Variants in ADAM22 observed in about 807,000 individuals in gnomAD.
The protein encoded by ADAM22 is disintegrin and metalloproteinase domain-containing protein 22.
In ADAM22, 65 loss-of-function variants were observed where a neutral mutation model predicts 144.6. The observed-to-expected ratio is 0.45, with a 90% CI of 0.37 to 0.55. ADAM22 has a LOEUF of 0.55. Among genes scored for constraint, ADAM22 ranks in the 20% least tolerant of loss-of-function variants. ADAM22 has a pLI of 0.00. For missense variants in ADAM22, 974 were observed against 1,184.9 expected, an observed-to-expected ratio of 0.82 and a Z score of 2.61; for synonymous variants, 391 against 412.6, an observed-to-expected ratio of 0.95 and a Z score of 0.63.
chr7:88,114,314 A>G (rs749997947), intron 5 of ADAM22, among the ~76,000 whole-genome samples: 1 of 152,236 alleles, frequency 6.6e-6, no homozygotes, highest in Admixed American at 6.5e-5. Context: ...TTGGAATTCT[A>G]TGTTAGAGGA....
intron 7 of ADAM22, among the ~76,000 whole-genome samples, chr7:88,120,835 G>C (rs1338886633): frequency 6.6e-6 from 1 of 152,074 alleles, no homozygotes; most frequent in African/African-American, 2.4e-5. Context: ...ATTTTTGCTA[G>C]CTCCCAAGTT....
intron 30 of ADAM22, among the ~76,000 whole-genome samples, chr7:88,187,671 C>T (rs913719380): frequency 2.0e-5 from 3 of 152,168 alleles, no homozygotes; most frequent in Non-Finnish European, 4.4e-5. Flanking sequence ...TTACAATAAA[C>T]TTTCATGTTA....
intron 24 of ADAM22, among the ~76,000 whole-genome samples, chr7:88,166,913 A>AG (rs1239732503): frequency 6.6e-6 from 1 of 152,086 alleles, no homozygotes; most frequent in Non-Finnish European, 1.5e-5. Context: ...AAAAAAAGGA[A>AG]GGGGGGGCAG....
chr7:87,998,689 G>A (rs1281566396), intron 3 of ADAM22, among the ~76,000 whole-genome samples: 3 of 152,154 alleles, frequency 2.0e-5, no homozygotes, highest in East Asian at 1.9e-4. Context: ...ACGCCCTGCC[G>A]AGAGTCTCCC....
chr7:88,154,215 C>T (rs1035112216), intron 21 of ADAM22, among the ~76,000 whole-genome samples: 5 of 152,212 alleles, frequency 3.3e-5, no homozygotes, highest in Non-Finnish European at 7.3e-5. Context: ...ACTCTCTCTT[C>T]ACCATTTTGC....
In ADAM22 at chr7:88,179,068, A is replaced by G; in HGVS notation, c.2434A>G (p.Ile812Val). ...GTCTGCTTTTCTGTCGCATTTTCAGATTTCTACCTGTTCCATCACACATTA... is the reference window on the plus strand; with the variant it reads ...GTCTGCTTTTCTGTCGCATTTTCAGGTTTCTACCTGTTCCATCACACATTA... ...KRSAFLSHFQ[I>V]STCSITHYSI... The change falls in exon 27 of 32, where the codon ATT becomes GTT. Residue 812 changes from isoleucine (I) to valine (V), a missense_variant. Transcript: ENST00000413139. 6.4e-7 allele frequency: 1 copy of G among 1,559,580 alleles called. No individual in the cohort carries two copies. The highest frequency in any genetic ancestry group is 8.8e-7 in the Non-Finnish European group (1 of 1,130,646).
At chr7:88,148,892 A>AATTTT (rs1179449696) in intron 17 of ADAM22, 85 bp from the exon 18 acceptor site, 1 of 1,078,258 alleles carries the variant, frequency 9.3e-7, no homozygotes, top group Non-Finnish European at 1.4e-6. Flanking sequence ...CTAGCCAAAC[A>AATTTT]ATTTTCATTT....
intron 29 of ADAM22, chr7:88,184,364 G>T: frequency 2.3e-6 from 1 of 438,960 alleles, no homozygotes; most frequent in Non-Finnish European, 4.6e-6. Flanking sequence ...TAAGCCCAGG[G>T]GGCTCTGACA....
At chr7:88,130,030 T>G (rs1831361749) in intron 9 of ADAM22, among the ~76,000 whole-genome samples, 1 of 152,100 alleles carries the variant, frequency 6.6e-6, no homozygotes, top group African/African-American at 2.4e-5. Flanking sequence ...TACCCCTACT[T>G]AGATTTGTAT....
At chr7:88,184,999 T>C (rs1413696657) in intron 29 of ADAM22, among the ~76,000 whole-genome samples, 1 of 152,238 alleles carries the variant, frequency 6.6e-6, no homozygotes, top group Non-Finnish European at 1.5e-5. Context: ...GCTGTGTGGC[T>C]ATGTTTCACC....
chr7:88,164,911 T>A (rs1271338065), intron 23 of ADAM22, among the ~76,000 whole-genome samples: 1 of 152,074 alleles, frequency 6.6e-6, no homozygotes, highest in Non-Finnish European at 1.5e-5. Context: ...AGTGATATGG[T>A]GAATCAAATC....
In ADAM22 at chr7:88,125,660, G is replaced by T; in HGVS notation, c.678+1G>T. 2 of 1,589,812 alleles carry T rather than the reference G, an allele frequency of 1.3e-6. No homozygotes were observed. The highest frequency in any genetic ancestry group is 1.7e-6 in the Non-Finnish European group (2 of 1,169,636). ...AAGACCAAAAAGGAGTAAACGGCAG[G>T]TATGTATTCACAGTGGTGTGTCGTG... On this transcript the variant is annotated splice_donor_variant, in intron 8 of 31. Transcript: ENST00000413139. LOFTEE classifies it high-confidence loss of function.
intron 4 of ADAM22, among the ~76,000 whole-genome samples, chr7:88,079,375 C>A (rs1384217701): frequency 2.0e-5 from 3 of 152,166 alleles, no homozygotes; most frequent in African/African-American, 7.2e-5. Flanking sequence ...ACAACCGGTA[C>A]CAGCCGCTGC....
intron 29 of ADAM22, chr7:88,186,188 TATGCCCAA>T (rs1301153971): frequency 4.6e-6 from 1 of 218,194 alleles, no homozygotes; most frequent in Non-Finnish European, 9.0e-6. Flanking sequence ...TAGGGTGTTG[TATGCCCAA>T]ATGCCAGATT....
intron 3 of ADAM22, among the ~76,000 whole-genome samples, chr7:87,986,756 T>C (rs1788586772): frequency 6.6e-6 from 1 of 152,194 alleles, no homozygotes. Flanking sequence ...CATATGATTG[T>C]TTAATATGAC....
Position 88,171,561 on chromosome 7 carries a change from G to A in ADAM22, c.2300G>A (p.Arg767Lys), listed in dbSNP as rs1197549942. 6.3e-7 allele frequency: 1 copy of A among 1,585,222 alleles called. No homozygotes were observed. Among genetic ancestry groups the A allele is most frequent in the East Asian group, 2.3e-5 (1 of 42,674 alleles). ...ATGAAAAGAAACTATCGAGAACAGA[G>A]GTATGTAATACAAATAATGTGAACA... is the stretch of plus-strand genomic sequence containing the variant. ...AWGYKNYREQ[R>K]QLPQGDYVKK... The change falls in exon 26 of 32, where the codon AGA becomes AAA. Residue 767 changes from arginine to lysine, a missense_variant and splice_region_variant. Transcript: ENST00000413139.
Position 87,978,366 on chromosome 7 carries a change from G to T in ADAM22, c.277G>T (p.Val93Phe), listed in dbSNP as rs1422276621. Residue 93 changes from valine (V) to phenylalanine (F), a missense_variant, in exon 3 of 32, where the codon GTT becomes TTT. By Grantham distance (50) the Val-to-Phe change is conservative. Coordinates refer to ENST00000413139, the MANE Select transcript of ADAM22 (RefSeq NM_001324418.2). ...LTHVDQASFQ[V>F]DAFGTSFILD... ...TCATGTTGACCAAGCAAGCTTCCAGGTTGATGCCTTTGGAACGTCATTCAT... is the reference window on the plus strand; with the variant it reads ...TCATGTTGACCAAGCAAGCTTCCAGTTTGATGCCTTTGGAACGTCATTCAT... The T allele has an allele frequency of 6.2e-7, 1 of 1,613,388 alleles. No individual in the cohort carries two copies. The highest frequency in any genetic ancestry group is 2.2e-5 in the East Asian group (1 of 44,804).
chr7:88,052,733 G>C (rs971355358), intron 3 of ADAM22, among the ~76,000 whole-genome samples: 6 of 152,010 alleles, frequency 3.9e-5, no homozygotes, highest in African/African-American at 7.3e-5. Context: ...CTTTGTGGTT[G>C]ACTGAGAAAA....
At chr7:88,081,291 C>T (rs917534195) in intron 4 of ADAM22, among the ~76,000 whole-genome samples, 1 of 152,094 alleles carries the variant, frequency 6.6e-6, no homozygotes, top group African/African-American at 2.4e-5. Context: ...AATTCAACAG[C>T]CCTTCATGCT....
Sources: gnomAD v4.1 joint callset for allele counts (sites outside exome capture counted in the v4.1 genomes callset) on GRCh38, gnomAD v4.1.1 for gene constraint, MANE v1.5 for transcripts, NCBI Gene and HGNC (gene_info 2026-07-23, HGNC 2026-07-21) for gene names.